TTC3: variants seen among roughly 807,000 people sequenced by gnomAD.
TTC3 encodes the protein E3 ubiquitin-protein ligase TTC3.
A neutral mutation model predicts 249.6 loss-of-function variants in TTC3; 180 were observed. That is an observed-to-expected ratio of 0.72 (90% CI 0.64 to 0.82). TTC3 has a LOEUF of 0.82. Among genes scored for constraint, TTC3 ranks in the 40% least tolerant of loss-of-function variants. The pLI, the probability that TTC3 is intolerant of heterozygous loss-of-function variation, is 0.00. For synonymous variants in TTC3, 717 were observed against 805.0 expected (o/e 0.89, Z 1.85); for missense variants, 2,061 against 2,398.4 (o/e 0.86, Z 2.94).
chr21:37,145,961 G>A (rs886088207), intron 21 of TTC3, among the ~76,000 whole-genome samples: 1 of 152,188 alleles, frequency 6.6e-6, no homozygotes, highest in African/African-American at 2.4e-5. Context: ...TCAATGTGTG[G>A]TTTGGAGGGT....
intron 1 of TTC3, among the ~76,000 whole-genome samples, chr21:37,085,212 A>G (rs1032829961): frequency 6.6e-6 from 1 of 152,148 alleles, no homozygotes; most frequent in African/African-American, 2.4e-5. Flanking sequence ...TTATGCCAAA[A>G]AAATTTGTAA....
At chr21:37,076,694 A>ATT (rs61629167) in intron 1 of TTC3, among the ~76,000 whole-genome samples, 2,816 of 94,856 alleles carry the variant, frequency 0.03, 291 homozygotes, top group African/African-American at 0.096. Flanking sequence ...AAACAAAGGG[A>ATT]TTTTTTTTTT....
At chr21:37,104,657 T>C (rs900135473) in intron 10 of TTC3, among the ~76,000 whole-genome samples, 1 of 149,238 alleles carries the variant, frequency 6.7e-6, no homozygotes, top group Non-Finnish European at 1.5e-5. Context: ...GTGTAGGTAG[T>C]GAGTTATATG....
At chr21:37,088,391 A>G (rs2072799137) in intron 4 of TTC3, 45 bp downstream of exon 4, 1 of 1,567,982 alleles carries the variant, frequency 6.4e-7, no homozygotes, top group Non-Finnish European at 8.7e-7. Context: ...AGTGATAAAC[A>G]TGTTACCCAA....
At chr21:37,075,554 A>G (rs140999783) in intron 1 of TTC3, among the ~76,000 whole-genome samples, 1,741 of 152,294 alleles carry the variant, frequency 0.011, 17 homozygotes, top group East Asian at 0.03. Context: ...TTTCCTCACA[A>G]CCCTGCTAAC....
chr21:37,121,265 A>C (rs1205697422), intron 11 of TTC3: 1 of 152,248 alleles, frequency 6.6e-6, no homozygotes, highest in Non-Finnish European at 1.5e-5. Context: ...GATAACAATG[A>C]AAAGCTGAGT....
chr21:37,150,803 C>T lies in TTC3; in HGVS notation c.2212-17C>T, dbSNP rs997984427. ...GGAGTATGAGACAAATTTTGGATGT[C>T]TTTGTTTTATTTAAAGTTTGAACAC... On this transcript the variant is annotated splice_polypyrimidine_tract_variant and intron_variant, in intron 24 of 45. Coordinates refer to ENST00000355666, the Ensembl canonical transcript of TTC3. 7.5e-6 allele frequency: 12 copies of T among 1,599,408 alleles called. No individual in the cohort carries two copies. In the East Asian group the frequency reaches 2.5e-4, roughly 33 times the overall value.
chr21:37,115,673 G>A (rs2076082440), intron 11 of TTC3, among the ~76,000 whole-genome samples: 1 of 152,148 alleles, frequency 6.6e-6, no homozygotes, highest in Non-Finnish European at 1.5e-5. Flanking sequence ...TGTGTGATCT[G>A]TCCCCGTCTT....
chr21:37,192,524 T>TGTGTGTGTGTGTGTGTGG (rs1555916803), intron 41 of TTC3, among the ~76,000 whole-genome samples: 3 of 148,594 alleles, frequency 2.0e-5, no homozygotes, highest in African/African-American at 5.0e-5. Flanking sequence ...TGTGTGTGTG[T>TGTGTGTGTGTGTGTGTGG]TGTATATGTA....
At chr21:37,096,541 T>G (rs1272887987) in intron 9 of TTC3, 40 bp from the exon 10 acceptor site, 1 of 1,444,454 alleles carries the variant, frequency 6.9e-7, no homozygotes, top group Non-Finnish European at 9.6e-7. Context: ...TTGTTTCATG[T>G]GTAATGTGCT....
At chr21:37,198,669 A>G (rs997294882) in intron 44 of TTC3, among the ~76,000 whole-genome samples, 1 of 152,262 alleles carries the variant, frequency 6.6e-6, no homozygotes, top group South Asian at 2.1e-4. Flanking sequence ...ACAAAGTATT[A>G]CATACAATAG....
intron 39 of TTC3, among the ~76,000 whole-genome samples, chr21:37,189,366 C>T (rs559114117): frequency 6.6e-6 from 1 of 152,058 alleles, no homozygotes; most frequent in East Asian, 1.9e-4. Flanking sequence ...TTGCCTCAGC[C>T]TCCCGAGTAG....
chr21:37,108,431 G>C (rs1403856316), exon 11 of TTC3: 6 of 1,612,248 alleles, frequency 3.7e-6, no homozygotes, highest in Non-Finnish European at 4.2e-6. Flanking sequence ...CTATTCTGAA[G>C]AACACTTGGC....
intron 20 of TTC3, among the ~76,000 whole-genome samples, chr21:37,143,968 T>C (rs2078741853): frequency 6.6e-6 from 1 of 150,512 alleles, no homozygotes; most frequent in Non-Finnish European, 1.5e-5. Context: ...CTGGAAACCA[T>C]CATTCTCAGC....
At chr21:37,125,884 TG>T (rs1877193062) in intron 14 of TTC3, among the ~76,000 whole-genome samples, 195 bp from the exon 15 acceptor site, 2 of 210 alleles carry the variant, frequency 9.5e-3, no homozygotes, top group Non-Finnish European at 0.019. Context: ...ATTTGTTCGT[TG>T]CCATATCATG....
At chr21:37,113,166 A>C (rs1426231718) in intron 11 of TTC3, among the ~76,000 whole-genome samples, 1 of 152,226 alleles carries the variant, frequency 6.6e-6, no homozygotes, top group Non-Finnish European at 1.5e-5. Context: ...ACTCCTATTC[A>C]ACATAGTGTT....
Position 37,122,419 on chromosome 21 carries a change from A to AATAT in TTC3, c.1063+455_1063+458dup, listed in dbSNP as rs980094706. 2.9e-3 allele frequency among the ~76,000 whole-genome samples: 112 copies of AATAT among 38,036 alleles called. 1 individual carries two copies. The highest frequency in any genetic ancestry group is 3.9e-3 in the South Asian group (6 of 1,524). 25.0% of individuals were successfully genotyped at this position (38,036 alleles called of 152,430 possible). On this transcript the variant is annotated intron_variant, in intron 12 of 45. Coordinates refer to ENST00000355666, the Ensembl canonical transcript of TTC3. ...CAGCGTGCTGAATATATATATATAT[A>AATAT]ATATATATATATATATATTATATAT...
At chr21:37,129,610 C>T (rs1234666434) in intron 16 of TTC3, among the ~76,000 whole-genome samples, 2 of 152,162 alleles carry the variant, frequency 1.3e-5, no homozygotes, top group African/African-American at 4.8e-5. Context: ...TGAAAATTAA[C>T]AGTAATTAAT....
Position 37,166,201 on chromosome 21 carries a change from C to G in TTC3, c.3987C>G (p.Thr1329=), listed in dbSNP as rs1437590825. ...TTCCTTTCCAGAGATTTGATATCACCCAGACACCGCCAGCATACATAAACG... is the reference window on the plus strand; with the variant it reads ...TTCCTTTCCAGAGATTTGATATCACGCAGACACCGCCAGCATACATAAACG... The change falls in exon 33 of 46, where the codon ACC becomes ACG. Residue 1329 remains threonine, a synonymous_variant. Coordinates refer to ENST00000355666, the Ensembl canonical transcript of TTC3. 5.0e-6 allele frequency: 8 copies of G among 1,614,022 alleles called. No individual in the cohort carries two copies. The African/African-American group carries it at 6.7e-5, about 13-fold the overall frequency.
Sources: allele counts gnomAD v4.1 joint callset (sites outside exome capture counted in the v4.1 genomes callset), GRCh38; gene constraint gnomAD v4.1.1; transcripts MANE v1.5; gene names NCBI Gene and HGNC (gene_info 2026-07-23, HGNC 2026-07-21).